NPDC1: variants seen among roughly 807,000 people sequenced by gnomAD.
The protein encoded by NPDC1 is neural proliferation differentiation and control protein 1.
Under a neutral mutation model 32.5 loss-of-function variants are expected in NPDC1, and 18 were observed. The ratio of observed to expected loss-of-function variants is 0.55; its 90% CI spans 0.38 to 0.82. The LOEUF is 0.82. Among genes scored for constraint, NPDC1 ranks in the 40% least tolerant of loss-of-function variants. The pLI is 0.00. For missense variants in NPDC1, 468 were observed against 406.6 expected (o/e 1.15, Z -1.30); for synonymous variants, 210 against 184.7 (o/e 1.14, Z -1.11).
At chr9:137,040,772 AG>A in intron 4 of NPDC1, 35 bp from the exon 5 acceptor site, 1 of 1,585,692 alleles carries the variant, frequency 6.3e-7, no homozygotes. Flanking sequence ...GGCCTTCTGC[AG>A]GGCGCCCTGC....
chr9:137,042,536 C>T lies in NPDC1; in HGVS notation c.259+391G>A, dbSNP rs1018079256. Among the ~76,000 whole-genome samples, 9 of 143,158 alleles carry T rather than the reference C, an allele frequency of 6.3e-5. No individual in the cohort carries two copies. The East Asian group carries it at 8.5e-4, about 13-fold the overall frequency. 93.9% of individuals were successfully genotyped at this position (143,158 alleles called of 152,430 possible). On this transcript the variant is annotated intron_variant, in intron 2 of 8. Coordinates refer to ENST00000371601, the MANE Select transcript of NPDC1 (RefSeq NM_015392.4). ...CCTCCCAAAGTGCTGGGATTACAGGCGTGAGCCACTGCTCCCGGCCTTCTT... is the reference window on the plus strand; with the variant it reads ...CCTCCCAAAGTGCTGGGATTACAGGTGTGAGCCACTGCTCCCGGCCTTCTT...
At position 137,040,506 on chromosome 9, in the gene NPDC1, C is replaced by T; in HGVS notation, c.708+8G>A. The T allele has an allele frequency of 6.3e-7, 1 of 1,587,778 alleles. No homozygotes were observed. ...GCGGGAGCCTCAGGGCTGAAGGGGG[C>T]CACACACCGAGATCCGGGGAGCTGC... On this transcript the variant is annotated splice_region_variant and intron_variant, in intron 6 of 8. Transcript: ENST00000371601.
rs373286223 is a variant in NPDC1 at position 137,040,752 on chromosome 9, G to A, written c.557-15C>T. The A allele has an allele frequency of 3.2e-5, 51 of 1,587,020 alleles. No individual in the cohort carries two copies. The highest frequency in any genetic ancestry group is 2.1e-4 in the African/African-American group (16 of 74,918). On this transcript the variant is annotated splice_polypyrimidine_tract_variant and intron_variant, in intron 4 of 8. Transcript: ENST00000371601. ...CAGGATCAGCACTGCAGGAGGGGGC[G>A]TGTGAGGGCGGCCTTCTGCAGGGCG...
intron 2 of NPDC1, 65 bp downstream of exon 2, chr9:137,042,861 CG>C: frequency 1.3e-6 from 2 of 1,528,218 alleles, no homozygotes; most frequent in Non-Finnish European, 1.8e-6. Flanking sequence ...CCCAGCCGGC[CG>C]CTTCTTACAG....
chr9:137,039,799 G>A lies in NPDC1; in HGVS notation c.951C>T (p.Ala317=), dbSNP rs1455933043. ...ATGGCAGTGCAGGCGGTGAGCTGGGGGCCGGCAGGGGCGCGGACAGTGCGG... is the reference window on the plus strand; with the variant it reads ...ATGGCAGTGCAGGCGGTGAGCTGGGAGCCGGCAGGGGCGCGGACAGTGCGG... ...DHAALSAPLP[A]PSSPPALP The change falls in exon 9 of 9, where the codon GCC becomes GCT. Residue 317 remains alanine, a synonymous_variant. Transcript: ENST00000371601. 1 of 776,436 alleles carries A rather than the reference G, an allele frequency of 1.3e-6. No homozygotes were observed. The highest frequency in any genetic ancestry group is 1.3e-5 in the South Asian group (1 of 74,552). 48.1% of individuals were successfully genotyped at this position (776,436 alleles called of 1,614,324 possible). A position where few individuals can be genotyped will look rare whatever the true frequency, so the allele number is the denominator to read the frequency against.
At chr9:137,040,247 T>C in intron 7 of NPDC1, 110 bp downstream of exon 7, 1 of 954,428 alleles carries the variant, frequency 1.0e-6, no homozygotes, top group South Asian at 1.5e-5. Context: ...AGCGTGCAGG[T>C]GAGGGTGGCA....
chr9:137,041,973 G>A (rs904669215), intron 2 of NPDC1, among the ~76,000 whole-genome samples: 1 of 152,226 alleles, frequency 6.6e-6, no homozygotes, highest in African/African-American at 2.4e-5. Context: ...GCCTGGGGAC[G>A]GGGAAGTGGG....
At chr9:137,044,607 C>A (rs879336008) in intron 1 of NPDC1, among the ~76,000 whole-genome samples, 12 of 152,250 alleles carry the variant, frequency 7.9e-5, no homozygotes, top group African/African-American at 2.9e-4. Flanking sequence ...CACCCGCCAA[C>A]GTCTGGGCTG....
chr9:137,041,013 G>A (rs758457575), intron 3 of NPDC1, 29 bp from the exon 4 acceptor site: 4 of 1,524,470 alleles, frequency 2.6e-6, no homozygotes, highest in Non-Finnish European at 3.5e-6. Flanking sequence ...TAGAATGAGA[G>A]CACTGGGCTA....
chr9:137,044,709 G>A (rs1358811109), intron 1 of NPDC1, among the ~76,000 whole-genome samples: 1 of 152,374 alleles, frequency 6.6e-6, no homozygotes, highest in Middle Eastern at 3.4e-3. Context: ...AGGCAGACAC[G>A]AAGCTGCAGA....
Position 137,045,899 on chromosome 9 carries a change from C to T in NPDC1, c.91G>A (p.Gly31Arg). 1 of 1,132,752 alleles carries T rather than the reference C, an allele frequency of 8.8e-7. No homozygotes were observed. Among genetic ancestry groups the T allele is most frequent in the Non-Finnish European group, 1.1e-6 (1 of 925,040 alleles). 70.2% of individuals were successfully genotyped at this position (1,132,752 alleles called of 1,614,324 possible). A position where few individuals can be genotyped will look rare whatever the true frequency, so the allele number is the denominator to read the frequency against. The change falls in exon 1 of 9, where the codon GGA (glycine) becomes AGA (arginine). Residue 31 changes from glycine to arginine, a missense_variant. Coordinates refer to ENST00000371601, the MANE Select transcript of NPDC1 (RefSeq NM_015392.4). ...TCACCCGGGTGGCCGGCGGCGGCTCCACGCAGGGCGGCGCCGAGGACGAGG... is the reference window on the plus strand; with the variant it reads ...TCACCCGGGTGGCCGGCGGCGGCTCTACGCAGGGCGGCGCCGAGGACGAGG... Reference protein sequence around the residue: ...SGLVLGAALRGAAAGHPDVAA... With the variant: ...SGLVLGAALRRAAAGHPDVAA...
At chr9:137,040,167 G>A (rs1251020148) in intron 7 of NPDC1, 100 bp from the exon 8 acceptor site, 2 of 701,938 alleles carry the variant, frequency 2.8e-6, no homozygotes, top group African/African-American at 1.7e-5. Flanking sequence ...TGGGGTGGCA[G>A]GGGAGCACAG....
Position 137,042,858 on chromosome 9 carries a change from G to C in NPDC1, c.259+69C>G, listed in dbSNP as rs1429783832. Reference sequence around the variant, plus strand: ...CAGGCATGAGCCACCGCGCCCAGCCGGCCGCTTCTTACAGGGAGAGGTTCA... The same window carrying C: ...CAGGCATGAGCCACCGCGCCCAGCCCGCCGCTTCTTACAGGGAGAGGTTCA... On this transcript the variant is annotated intron_variant, in intron 2 of 8. Coordinates refer to ENST00000371601, the MANE Select transcript of NPDC1 (RefSeq NM_015392.4). 3.3e-6 allele frequency: 5 copies of C among 1,524,484 alleles called. No homozygotes were observed. The East Asian group carries it at 9.1e-5, about 28-fold the overall frequency. 94.4% of individuals were successfully genotyped at this position (1,524,484 alleles called of 1,614,324 possible). A position where few individuals can be genotyped will look rare whatever the true frequency, so the allele number is the denominator to read the frequency against.
Position 137,040,504 on chromosome 9 carries a change from G to A in NPDC1, c.708+10C>T, listed in dbSNP as rs1391655442. The stretch of plus-strand genomic sequence containing the variant: ...GGGCGGGAGCCTCAGGGCTGAAGGG[G>A]GCCACACACCGAGATCCGGGGAGCT... On this transcript the variant is annotated intron_variant, in intron 6 of 8. Coordinates refer to ENST00000371601, the MANE Select transcript of NPDC1 (RefSeq NM_015392.4). 1.9e-6 allele frequency: 3 copies of A among 1,587,928 alleles called. No homozygotes were observed. Among genetic ancestry groups the A allele is most frequent in the Non-Finnish European group, 2.6e-6 (3 of 1,171,708 alleles).
In NPDC1 at chr9:137,043,084, A is replaced by G. The variant is rs1161875518; in HGVS notation, c.113-11T>C. ...GACAGGCGGCTACATCTGGGAAGGA[A>G]GCAGAAGGCAGGGCCGGCTCACGGC... is the stretch of plus-strand genomic sequence containing the variant. On this transcript the variant is annotated splice_polypyrimidine_tract_variant and intron_variant, in intron 1 of 8. Transcript: ENST00000371601. 2 of 1,612,130 alleles carry G rather than the reference A, an allele frequency of 1.2e-6. No homozygotes were observed. Among genetic ancestry groups the G allele is most frequent in the Non-Finnish European group, 1.7e-6 (2 of 1,179,622 alleles).
chr9:137,043,541 C>T, intron 1 of NPDC1: 1 of 600,640 alleles, frequency 1.7e-6, no homozygotes, highest in African/African-American at 1.9e-5. Flanking sequence ...CGGCTCTCCC[C>T]AGAACCCGGC....
intron 1 of NPDC1, 55 bp from the exon 2 acceptor site, chr9:137,043,128 T>C (rs1456386305): frequency 3.8e-6 from 6 of 1,587,654 alleles, no homozygotes; most frequent in Non-Finnish European, 4.3e-6. Flanking sequence ...GCTCGGCCCC[T>C]GCACACGGCA....
At chr9:137,045,442 G>C (rs549714239) in intron 1 of NPDC1, among the ~76,000 whole-genome samples, 7 of 152,344 alleles carry the variant, frequency 4.6e-5, no homozygotes, top group South Asian at 2.1e-4. Flanking sequence ...CTGAGGCCCC[G>C]ACCCCGGGAC....
In NPDC1 at chr9:137,039,661, C is replaced by A; in HGVS notation, c.*111G>T. 1 of 602,442 alleles carries A rather than the reference C, an allele frequency of 1.7e-6. No homozygotes were observed. Among genetic ancestry groups the A allele is most frequent in the Non-Finnish European group, 3.0e-6 (1 of 336,722 alleles). 37.3% of individuals were successfully genotyped at this position (602,442 alleles called of 1,614,324 possible). A position where few individuals can be genotyped will look rare whatever the true frequency, so the allele number is the denominator to read the frequency against. ...GTCCCAGGGCCTGGAGCCCGAGGCCCAGCCAAAAGCACACAGCATCAAAAC... is the reference window on the plus strand; with the variant it reads ...GTCCCAGGGCCTGGAGCCCGAGGCCAAGCCAAAAGCACACAGCATCAAAAC... On this transcript the variant is annotated 3_prime_UTR_variant, in exon 9 of 9. Coordinates refer to ENST00000371601, the MANE Select transcript of NPDC1 (RefSeq NM_015392.4).
Sources: allele counts gnomAD v4.1 joint callset (sites outside exome capture counted in the v4.1 genomes callset), GRCh38; gene constraint gnomAD v4.1.1; transcripts MANE v1.5; gene names NCBI Gene and HGNC (gene_info 2026-07-23, HGNC 2026-07-21).